PTCHD4: variants seen among roughly 807,000 people sequenced by gnomAD.
PTCHD4 encodes the protein patched domain containing 4.
Under a neutral mutation model 58.1 loss-of-function variants are expected in PTCHD4, and 33 were observed. That is an observed-to-expected ratio of 0.57 (90% confidence interval 0.43 to 0.76). The LOEUF (loss-of-function observed/expected upper bound fraction) is 0.76. Among genes scored for constraint, PTCHD4 ranks in the 30% least tolerant of loss-of-function variants. The probability of loss-of-function intolerance (pLI) is 0.00; values close to 1 mark genes in which losing one functional copy is unlikely to be tolerated. For missense variants in PTCHD4, 1,058 were observed against 1,027.1 expected (o/e 1.03, Z -0.41); for synonymous variants, 478 against 409.6 (o/e 1.17, Z -2.02).
chr6:47,956,534 C>T lies in PTCHD4; in HGVS notation c.898+52100G>A, dbSNP rs895494339. On this transcript the variant is annotated intron_variant, in intron 4 of 4. Transcript: ENST00000339488. ...CTGCAAGCTCCACCTCCTGGGTTCA[C>T]GCCATTCTCCTGCCTCAGCCTCCCA... 1.5e-4 allele frequency among the ~76,000 whole-genome samples: 23 copies of T among 151,896 alleles called. No individual in the cohort carries two copies. In the East Asian group the frequency reaches 2.7e-3, roughly 18 times the overall value.
intron 1 of PTCHD4, among the ~76,000 whole-genome samples, chr6:48,099,751 C>T (rs953096411): frequency 2.6e-5 from 4 of 152,196 alleles, no homozygotes; most frequent in African/African-American, 9.7e-5. Context: ...CTAGGCTATG[C>T]TGTGAATGGA....
chr6:48,049,471 G>T (rs1331002962), intron 3 of PTCHD4, among the ~76,000 whole-genome samples: 1 of 151,910 alleles, frequency 6.6e-6, no homozygotes. Context: ...GTTTAATGAG[G>T]ATAAAAATGT....
rs888746307 is a variant in PTCHD4, at chr6:47,872,051, A to G, written c.*6252T>C. 2.7e-5 allele frequency among the ~76,000 whole-genome samples: 4 copies of G among 150,878 alleles called. No homozygotes were observed. The highest frequency in any genetic ancestry group is 1.5e-5 in the Non-Finnish European group (1 of 67,506). ...TTCTTTTTTTTTTTTCCCCAGCTCT[A>G]TCAGTGTTGCTACCAACAACCAGTG... On this transcript the variant is annotated 3_prime_UTR_variant, in exon 5 of 5. Coordinates refer to ENST00000339488, the MANE Select transcript of PTCHD4 (RefSeq NM_001384253.1).
chr6:47,969,064 A>G (rs1450871543), intron 4 of PTCHD4, among the ~76,000 whole-genome samples: 1 of 152,204 alleles, frequency 6.6e-6, no homozygotes, highest in East Asian at 1.9e-4. Context: ...TTTGAATTCC[A>G]CTTGACATTG....
intron 3 of PTCHD4, among the ~76,000 whole-genome samples, chr6:48,055,655 A>G (rs1225086309): frequency 1.3e-5 from 2 of 152,226 alleles, no homozygotes; most frequent in African/African-American, 4.8e-5. Flanking sequence ...TGCTAATATC[A>G]GCTTTATGTG....
At chr6:47,889,694 A>G (rs1227671275) in intron 4 of PTCHD4, among the ~76,000 whole-genome samples, 1 of 151,460 alleles carries the variant, frequency 6.6e-6, no homozygotes, top group Non-Finnish European at 1.5e-5. Context: ...ACCTTATACT[A>G]AAATCAATTC....
chr6:47,969,455 C>T (rs1163790695), intron 4 of PTCHD4, among the ~76,000 whole-genome samples: 1 of 152,172 alleles, frequency 6.6e-6, no homozygotes, highest in Non-Finnish European at 1.5e-5. Context: ...TTTTTATTGG[C>T]TTATCCTTAT....
chr6:48,106,739 G>A (rs544080791), intron 1 of PTCHD4, among the ~76,000 whole-genome samples: 43 of 152,302 alleles, frequency 2.8e-4, no homozygotes, highest in South Asian at 1.5e-3. Context: ...AAGCTGATAA[G>A]CAACTTCAGC....
intron 3 of PTCHD4, among the ~76,000 whole-genome samples, chr6:48,043,946 A>G (rs1056859000): frequency 6.6e-6 from 1 of 151,852 alleles, no homozygotes; most frequent in Non-Finnish European, 1.5e-5. Context: ...GCAGTATATG[A>G]GAATTAGAAC....
At chr6:47,881,868 C>A (rs1429236227) in intron 4 of PTCHD4, among the ~76,000 whole-genome samples, 1 of 152,050 alleles carries the variant, frequency 6.6e-6, no homozygotes, top group Non-Finnish European at 1.5e-5. Context: ...GGTCTCCAAT[C>A]AGGAAAGATG....
At chr6:47,896,343 A>T (rs1318561862) in intron 4 of PTCHD4, among the ~76,000 whole-genome samples, 1 of 152,232 alleles carries the variant, frequency 6.6e-6, no homozygotes, top group African/African-American at 2.4e-5. Context: ...TATGAGGCAG[A>T]GTATCCTAAC....
Position 47,874,197 on chromosome 6 carries a change from C to T in PTCHD4, c.*4106G>A, listed in dbSNP as rs1763789809. 1.3e-5 allele frequency among the ~76,000 whole-genome samples: 2 copies of T among 151,704 alleles called. No homozygotes were observed. The highest frequency in any genetic ancestry group is 2.4e-5 in the African/African-American group (1 of 41,374). ...TTTCACTTCTGAGATTTTCCGAAGT[C>T]CATTCTAGAAGAGGTGGTTGTTACT... On this transcript the variant is annotated 3_prime_UTR_variant, in exon 5 of 5. Coordinates refer to ENST00000339488, the MANE Select transcript of PTCHD4 (RefSeq NM_001384253.1).
intron 4 of PTCHD4, among the ~76,000 whole-genome samples, chr6:47,997,321 T>C (rs950181345): frequency 2.1e-4 from 32 of 152,218 alleles, no homozygotes; most frequent in African/African-American, 7.2e-4. Flanking sequence ...AATTATCTAA[T>C]TTTCCTTCAT....
intron 4 of PTCHD4, among the ~76,000 whole-genome samples, chr6:47,953,164 T>C (rs959347493): frequency 6.6e-5 from 10 of 152,090 alleles, no homozygotes; most frequent in Admixed American, 1.3e-4. Context: ...GAATAATGGA[T>C]GTTCTCCTGA....
At chr6:48,019,334 C>G (rs1407694511) in intron 3 of PTCHD4, among the ~76,000 whole-genome samples, 1 of 151,888 alleles carries the variant, frequency 6.6e-6, no homozygotes, top group Admixed American at 6.6e-5. Context: ...TTCAAAGGGC[C>G]TATGGTGTGG....
chr6:47,915,110 C>A (rs1243256271), intron 4 of PTCHD4, among the ~76,000 whole-genome samples: 3 of 151,982 alleles, frequency 2.0e-5, no homozygotes, highest in Non-Finnish European at 4.4e-5. Context: ...GGAAAAGAAA[C>A]CTAATTAATT....
intron 4 of PTCHD4, among the ~76,000 whole-genome samples, chr6:47,948,740 G>A (rs968816989): frequency 6.6e-6 from 1 of 152,034 alleles, no homozygotes; most frequent in Non-Finnish European, 1.5e-5. Context: ...TGGTATATCT[G>A]AATGTGGAGC....
At chr6:47,972,573 A>G (rs1767556795) in intron 4 of PTCHD4, among the ~76,000 whole-genome samples, 1 of 152,084 alleles carries the variant, frequency 6.6e-6, no homozygotes, top group Non-Finnish European at 1.5e-5. Context: ...AGTTTAGCAA[A>G]GTCTTTTAGC....
At chr6:47,931,849 C>T (rs764943640) in intron 4 of PTCHD4, among the ~76,000 whole-genome samples, 18 of 151,900 alleles carry the variant, frequency 1.2e-4, no homozygotes, top group African/African-American at 3.4e-4. Flanking sequence ...TGTATCCTCC[C>T]AAAGTTCCTG....
Sources: allele counts gnomAD v4.1 joint callset (sites outside exome capture counted in the v4.1 genomes callset), GRCh38; gene constraint gnomAD v4.1.1; transcripts MANE v1.5; gene names NCBI Gene and HGNC (gene_info 2026-07-23, HGNC 2026-07-21).